OXR1: variants seen among roughly 807,000 people sequenced by gnomAD.
OXR1 encodes the protein oxidation resistance protein 1.
A neutral mutation model predicts 104.6 loss-of-function variants in OXR1; 41 were observed. The ratio of observed to expected loss-of-function variants is 0.39; its 90% CI spans 0.31 to 0.51. OXR1 has a LOEUF of 0.51. Ranked by LOEUF, OXR1 falls within the 20% of genes least tolerant of loss-of-function variation. OXR1 has a pLI of 0.77. For missense variants in OXR1, 955 were observed against 1,031.9 expected, an observed-to-expected ratio of 0.93 and a Z score of 1.02; for synonymous variants, 348 against 348.4, an observed-to-expected ratio of 1.00 and a Z score of 0.01.
chr8:106,485,184 G>A (rs1289326052), intron 2 of OXR1, among the ~76,000 whole-genome samples: 1 of 151,996 alleles, frequency 6.6e-6, no homozygotes, highest in African/African-American at 2.4e-5. Context: ...AGATAAACAG[G>A]TAGAGCATGG....
Position 106,366,544 on chromosome 8 carries a change from A to G in OXR1, c.23+6908A>G, listed in dbSNP as rs141848201. Among the ~76,000 whole-genome samples the G allele has an allele frequency of 2.0e-3, 298 of 152,350 alleles. 3 individuals are homozygous for G. The highest frequency in any genetic ancestry group is 6.6e-3 in the African/African-American group (275 of 41,588). ...CTTAAACACTATTTTCTGTAAGTGTATAAAATTATCAACATTGTGTTATCC... is the reference window on the plus strand; with the variant it reads ...CTTAAACACTATTTTCTGTAAGTGTGTAAAATTATCAACATTGTGTTATCC... On this transcript the variant is annotated intron_variant, in intron 2 of 16. Coordinates refer to ENST00000517566, the MANE Select transcript of OXR1 (RefSeq NM_001198533.2).
intron 3 of OXR1, among the ~76,000 whole-genome samples, chr8:106,599,607 T>G (rs1232200635): frequency 6.6e-6 from 1 of 152,244 alleles, no homozygotes; most frequent in Non-Finnish European, 1.5e-5. Flanking sequence ...TAATGCAAGT[T>G]AGATTTCATG....
intron 2 of OXR1, among the ~76,000 whole-genome samples, chr8:106,488,417 T>C (rs1390690341): frequency 3.4e-5 from 5 of 148,402 alleles, no homozygotes; most frequent in African/African-American, 4.9e-5. Flanking sequence ...TGCAGAAGCT[T>C]TTTAGTTTAA....
At chr8:106,676,531 T>C (rs1206168989) in intron 3 of OXR1, among the ~76,000 whole-genome samples, 1 of 152,180 alleles carries the variant, frequency 6.6e-6, no homozygotes, top group African/African-American at 2.4e-5. Flanking sequence ...GGAAAGGATC[T>C]TATTTCTCCT....
At chr8:106,288,725 TATAA>T (rs1211642795) in intron 1 of OXR1, among the ~76,000 whole-genome samples, 1 of 145,110 alleles carries the variant, frequency 6.9e-6, no homozygotes, top group Non-Finnish European at 1.5e-5. Context: ...TATATTTATA[TATAA>T]ATATATAGAG....
intron 3 of OXR1, among the ~76,000 whole-genome samples, chr8:106,556,181 T>G (rs1292810073): frequency 2.0e-5 from 3 of 152,070 alleles, no homozygotes; most frequent in African/African-American, 7.2e-5. Context: ...ATGGATATGA[T>G]ACTTCCTTTT....
At chr8:106,553,191 A>T (rs1459037946) in intron 3 of OXR1, among the ~76,000 whole-genome samples, 1 of 148,460 alleles carries the variant, frequency 6.7e-6, no homozygotes, top group African/African-American at 2.5e-5. Flanking sequence ...GTACCCTAAA[A>T]CTTAAAGTAC....
intron 3 of OXR1, among the ~76,000 whole-genome samples, chr8:106,583,118 AT>A (rs1818375533): frequency 6.6e-6 from 1 of 152,182 alleles, no homozygotes; most frequent in South Asian, 2.1e-4. Flanking sequence ...TAAACAGAGT[AT>A]GAATTAGAAA....
At chr8:106,344,431 A>G (rs1815393802) in intron 1 of OXR1, among the ~76,000 whole-genome samples, 1 of 152,096 alleles carries the variant, frequency 6.6e-6, no homozygotes, top group Admixed American at 6.5e-5. Flanking sequence ...TCCGCCTCCC[A>G]TGTTCAAGCG....
chr8:106,355,763 T>A (rs1365929318), intron 1 of OXR1, among the ~76,000 whole-genome samples: 2 of 152,128 alleles, frequency 1.3e-5, no homozygotes, highest in Non-Finnish European at 2.9e-5. Context: ...ATTTATTTCA[T>A]TTTAGAAATC....
intron 2 of OXR1, among the ~76,000 whole-genome samples, chr8:106,517,880 T>G (rs931872727): frequency 1.3e-5 from 2 of 152,200 alleles, no homozygotes; most frequent in Non-Finnish European, 1.5e-5. Context: ...ACTTGATAGA[T>G]TGTATTATCT....
At chr8:106,660,640 T>C (rs941094802) in intron 3 of OXR1, among the ~76,000 whole-genome samples, 6 of 152,054 alleles carry the variant, frequency 3.9e-5, no homozygotes, top group Admixed American at 2.6e-4. Flanking sequence ...CAAGAAGGGG[T>C]GGAGGGAGTC....
intron 1 of OXR1, among the ~76,000 whole-genome samples, chr8:106,355,696 T>G (rs1815938594): frequency 6.6e-6 from 1 of 152,220 alleles, no homozygotes; most frequent in African/African-American, 2.4e-5. Context: ...TGTAAGTTTT[T>G]TTTCTTTTTC....
intron 3 of OXR1, among the ~76,000 whole-genome samples, chr8:106,524,827 G>C (rs1248028962): frequency 1.3e-5 from 2 of 152,154 alleles, no homozygotes; most frequent in Non-Finnish European, 2.9e-5. Context: ...GATATTCAGA[G>C]TACCCTGGAA....
intron 2 of OXR1, among the ~76,000 whole-genome samples, chr8:106,487,355 T>TTA (rs398009247): frequency 2.7e-5 from 4 of 149,864 alleles, no homozygotes; most frequent in Non-Finnish European, 4.4e-5. Flanking sequence ...TTTTTTTTTT[T>TTA]ATGCTGTTTA....
intron 3 of OXR1, among the ~76,000 whole-genome samples, chr8:106,603,307 G>A (rs1464296584): frequency 6.6e-6 from 1 of 152,108 alleles, no homozygotes; most frequent in African/African-American, 2.4e-5. Context: ...AAGCCTTGAT[G>A]CTGTCCTTAT....
intron 4 of OXR1, among the ~76,000 whole-genome samples, chr8:106,680,068 T>C (rs1827999153): frequency 6.6e-6 from 1 of 152,120 alleles, no homozygotes; most frequent in Admixed American, 6.5e-5. Context: ...GTTTGACTCT[T>C]ATTTTCCATG....
intron 2 of OXR1, among the ~76,000 whole-genome samples, chr8:106,475,389 T>G (rs906467598): frequency 2.1e-4 from 32 of 152,054 alleles, no homozygotes; most frequent in Middle Eastern, 3.4e-3. Flanking sequence ...GTCTTCATCC[T>G]TGTCTTCACA....
At chr8:106,619,683 T>A (rs573136561) in intron 3 of OXR1, among the ~76,000 whole-genome samples, 2 of 152,104 alleles carry the variant, frequency 1.3e-5, no homozygotes, top group Non-Finnish European at 2.9e-5. Context: ...GGATAAAAAT[T>A]TTTAGTATTA....
Sources: allele counts gnomAD v4.1 joint callset (sites outside exome capture counted in the v4.1 genomes callset), GRCh38; gene constraint gnomAD v4.1.1; transcripts MANE v1.5; gene names NCBI Gene and HGNC (gene_info 2026-07-23, HGNC 2026-07-21).